ZNF37A: variants seen among roughly 807,000 people sequenced by gnomAD.
ZNF37A encodes the protein zinc finger protein 37A.
ZNF37A carries 10 observed loss-of-function variants against 12.3 expected under a neutral mutation model. The ratio of observed to expected loss-of-function variants is 0.82; its 90% CI spans 0.50 to 1.38. The LOEUF is 1.38. Among genes scored for constraint, ZNF37A ranks in the 40% most tolerant of loss-of-function variants. The pLI is 0.00. For missense variants in ZNF37A, 580 were observed against 651.2 expected (o/e 0.89, Z 1.19); for synonymous variants, 207 against 223.0 (o/e 0.93, Z 0.64).
At chr10:38,112,763 T>TCTTG (rs1564932137) in intron 5 of ZNF37A, among the ~76,000 whole-genome samples, 1 of 63,748 alleles carries the variant, frequency 1.6e-5, no homozygotes, top group Non-Finnish European at 3.4e-5. Context: ...TTCTTTTCTT[T>TCTTG]TCTTTTCTTT....
rs1298940095 is a variant in ZNF37A at position 38,112,762 on chromosome 10, TTTC to T, written c.16-1990_16-1988del. ...TTTCTTTTCTTTTCTTTTCTTTTCT[TTTC>T]TTTTCTTTTCTTTTCTTTTCTTTTC... On this transcript the variant is annotated intron_variant, in intron 5 of 7. Transcript: ENST00000685332. 3.3e-5 allele frequency among the ~76,000 whole-genome samples: 2 copies of T among 60,130 alleles called. 1 individual carries two copies. Among genetic ancestry groups the T allele is most frequent in the Non-Finnish European group, 7.3e-5 (2 of 27,270 alleles). The allele number at this position is 60,130 out of a possible 152,430, so 39.4% of individuals were successfully genotyped here.
At chr10:38,141,950 A>G (rs2070189588) in intron 7 of ZNF37A, 2 of 152,140 alleles carry the variant, frequency 1.3e-5, no homozygotes, top group African/African-American at 4.8e-5. Flanking sequence ...TCTCTACTAA[A>G]AATACAAAAA....
chr10:38,117,128 C>A (rs1025980237), intron 7 of ZNF37A: 13 of 972,262 alleles, frequency 1.3e-5, no homozygotes, highest in African/African-American at 7.0e-5. Context: ...ACCACCACCA[C>A]CACCAACAAC....
intron 5 of ZNF37A, 83 bp downstream of exon 5, chr10:38,096,715 A>G: frequency 7.3e-7 from 1 of 1,367,766 alleles, no homozygotes; most frequent in South Asian, 1.2e-5. Flanking sequence ...ATGAAAGTAG[A>G]AATAACATCA....
intron 7 of ZNF37A, among the ~76,000 whole-genome samples, chr10:38,116,167 G>T (rs1482949263): frequency 6.6e-6 from 1 of 152,104 alleles, no homozygotes; most frequent in Non-Finnish European, 1.5e-5. Context: ...AAGCTCTCCG[G>T]ATAATACTGA....
chr10:38,148,584 C>G (rs772924680), exon 8 of ZNF37A: 1 of 152,188 alleles, frequency 6.6e-6, no homozygotes, highest in Non-Finnish European at 1.5e-5. Context: ...TTATGAAAAA[C>G]CAAGAGGGAT....
intron 6 of ZNF37A, 104 bp downstream of exon 6, chr10:38,114,985 G>A (rs1317149016): frequency 1.4e-6 from 2 of 1,444,368 alleles, no homozygotes; most frequent in African/African-American, 1.4e-5. Flanking sequence ...TTAGGTTTGA[G>A]ATTCAGAGGT....
intron 5 of ZNF37A, among the ~76,000 whole-genome samples, chr10:38,106,291 T>TAACATC (rs1327802770): frequency 6.6e-6 from 1 of 152,088 alleles, no homozygotes; most frequent in Non-Finnish European, 1.5e-5. Flanking sequence ...GAGAAAGGAA[T>TAACATC]AACATCAACA....
chr10:38,097,583 CAAAAA>C (rs71007695), intron 5 of ZNF37A, among the ~76,000 whole-genome samples: 1,772 of 61,844 alleles, frequency 0.029, 70 homozygotes, highest in African/African-American at 0.066. Flanking sequence ...GACTCTGTCT[CAAAAA>C]AAAAAAAAAA....
intron 7 of ZNF37A, chr10:38,142,357 T>C (rs2070195697): frequency 6.6e-6 from 1 of 152,218 alleles, no homozygotes; most frequent in African/African-American, 2.4e-5. Flanking sequence ...GCTCTGATGA[T>C]AAATGTGAGA....
rs763417698 is a variant in ZNF37A, at chr10:38,115,279, A to G, written c.227A>G (p.Gln76Arg). Residue 76 changes from glutamine (Q) to arginine (R), a missense_variant, in exon 7 of 8, where the codon CAG (glutamine) becomes CGG (arginine). Coordinates refer to ENST00000685332, the MANE Select transcript of ZNF37A (RefSeq NM_001324250.3). Reference protein sequence around the residue: ...PWILEEKFPSQSHLELINTSR... With the variant: ...PWILEEKFPSRSHLELINTSR... ...ATATTAGAGGAAAAATTTCCAAGCC[A>G]GAGTCATCTGGGTGAGTTAGTATGT... 1 of 1,613,618 alleles carries G rather than the reference A, an allele frequency of 6.2e-7. No individual in the cohort carries two copies. Among genetic ancestry groups the G allele is most frequent in the East Asian group, 2.2e-5 (1 of 44,822 alleles).
chr10:38,106,074 G>A (rs2068053317), intron 5 of ZNF37A, among the ~76,000 whole-genome samples: 1 of 152,016 alleles, frequency 6.6e-6, no homozygotes, highest in Admixed American at 6.6e-5. Flanking sequence ...ATCTTAGGGG[G>A]GGATCTTTCA....
downstream of ZNF37A, among the ~76,000 whole-genome samples, chr10:38,126,445 T>G (rs1341465525): frequency 1.3e-5 from 2 of 152,198 alleles, no homozygotes; most frequent in Non-Finnish European, 2.9e-5. Context: ...GAGACAGATT[T>G]GACGGTTAGA....
intron 7 of ZNF37A, chr10:38,139,795 GA>G (rs1486224314): frequency 6.6e-6 from 1 of 152,070 alleles, no homozygotes; most frequent in African/African-American, 2.4e-5. Flanking sequence ...TTTATTGATT[GA>G]AAAAATTCCA....
At chr10:38,126,737 G>A (rs557354541), downstream of ZNF37A, among the ~76,000 whole-genome samples, 1 of 152,190 alleles carries the variant, frequency 6.6e-6, no homozygotes, top group Non-Finnish European at 1.5e-5. Flanking sequence ...ACATGCAGCA[G>A]CCCTATCATC....
Position 38,119,346 on chromosome 10 carries a change from A to T in ZNF37A, c.*509A>T. ...GTGGAAAATCATTCTGTGTGAAGTCAAGAGGCCAGAGAAAATGCACAAACT... is the reference window on the plus strand; with the variant it reads ...GTGGAAAATCATTCTGTGTGAAGTCTAGAGGCCAGAGAAAATGCACAAACT... On this transcript the variant is annotated 3_prime_UTR_variant, in exon 8 of 8. Coordinates refer to ENST00000685332, the MANE Select transcript of ZNF37A (RefSeq NM_001324250.3). The T allele has an allele frequency of 9.9e-7, 1 of 1,007,098 alleles. No individual in the cohort carries two copies. The highest frequency in any genetic ancestry group is 1.2e-6 in the Non-Finnish European group (1 of 835,898). 62.4% of individuals were successfully genotyped at this position (1,007,098 alleles called of 1,614,324 possible). A position where few individuals can be genotyped will look rare whatever the true frequency, so the allele number is the denominator to read the frequency against.
downstream of ZNF37A, among the ~76,000 whole-genome samples, chr10:38,129,450 G>C (rs1179227991): frequency 6.6e-6 from 1 of 151,898 alleles, no homozygotes; most frequent in Non-Finnish European, 1.5e-5. Context: ...GTAGTCCCTG[G>C]TGTCTGCTGT....
intron 7 of ZNF37A, among the ~76,000 whole-genome samples, chr10:38,145,988 T>C (rs2070248330): frequency 6.6e-6 from 1 of 152,154 alleles, no homozygotes; most frequent in Non-Finnish European, 1.5e-5. Context: ...TAATCCCATC[T>C]ACTCAGGAGG....
intron 7 of ZNF37A, among the ~76,000 whole-genome samples, chr10:38,133,871 A>T (rs1307075688): frequency 6.6e-6 from 1 of 152,196 alleles, no homozygotes; most frequent in African/African-American, 2.4e-5. Context: ...CTAGTTCCAG[A>T]TCCTTGAGGA....
Sources: gnomAD v4.1 joint callset for allele counts (sites outside exome capture counted in the v4.1 genomes callset) on GRCh38, gnomAD v4.1.1 for gene constraint, MANE v1.5 for transcripts, NCBI Gene and HGNC (gene_info 2026-07-23, HGNC 2026-07-21) for gene names.